Variants in EPRS1 observed in about 807,000 individuals in gnomAD.
The protein encoded by EPRS1 is bifunctional glutamate/proline--tRNA ligase.
EPRS1 carries 107 observed loss-of-function variants against 188.3 expected under a neutral mutation model. The ratio of observed to expected loss-of-function variants is 0.57; its 90% CI spans 0.49 to 0.67. EPRS1 has a LOEUF of 0.67. Among genes scored for constraint, EPRS1 ranks in the 30% least tolerant of loss-of-function variants. The probability of loss-of-function intolerance (pLI) is 0.00; values close to 1 mark genes in which losing one functional copy is unlikely to be tolerated. For missense variants in EPRS1, 1,577 were observed against 1,802.2 expected, an observed-to-expected ratio of 0.88 and a Z score of 2.26; for synonymous variants, 596 against 593.1, an observed-to-expected ratio of 1.00 and a Z score of -0.07.
At position 219,979,469 on chromosome 1, in the gene EPRS1, A is replaced by T. The variant is rs1558271273; in HGVS notation, c.3858T>A (p.Val1286=). ...ATACTAAACCCATGTTGTCCCCATG[A>T]ACCATGGTCATAACACCAATAGTTC... ...TTRTIGVMTM[V]HGDNMGLVLP... The change falls in exon 27 of 32, where the codon GTT becomes GTA. Residue 1286 remains valine (V), a synonymous_variant. Transcript: ENST00000366923. 3.1e-6 allele frequency: 5 copies of T among 1,614,102 alleles called. No individual in the cohort carries two copies. The highest frequency in any genetic ancestry group is 3.4e-6 in the Non-Finnish European group (4 of 1,179,988).
chr1:220,022,579 G>A, intron 8 of EPRS1, 61 bp from the exon 9 acceptor site: 1 of 1,296,568 alleles, frequency 7.7e-7, no homozygotes. Context: ...TATTCTCATA[G>A]TGCTATAATT....
chr1:220,014,136 T>G (rs1207130847), intron 12 of EPRS1, among the ~76,000 whole-genome samples: 1 of 152,142 alleles, frequency 6.6e-6, no homozygotes, highest in East Asian at 1.9e-4. Flanking sequence ...GGGACCAGCC[T>G]GGCCAACATG....
In EPRS1 at chr1:219,986,824, T is replaced by C. The variant is rs183865475; in HGVS notation, c.3038+318A>G. On this transcript the variant is annotated intron_variant, in intron 20 of 31. Coordinates refer to ENST00000366923, the MANE Select transcript of EPRS1 (RefSeq NM_004446.3). ...GTGTGTGTATCTGTATTTACTTGAA[T>C]AATAAATGAAAATCGCTCAACAGAT... Among the ~76,000 whole-genome samples, 224 of 151,756 alleles carry C rather than the reference T, an allele frequency of 1.5e-3. 1 individual carries two copies. The highest frequency in any genetic ancestry group is 3.1e-3 in the Admixed American group (47 of 15,228).
At chr1:219,978,991 G>C (rs1660839196) in intron 27 of EPRS1, among the ~76,000 whole-genome samples, 1 of 150,606 alleles carries the variant, frequency 6.6e-6, no homozygotes, top group African/African-American at 2.5e-5. Flanking sequence ...AGCCTCCCAA[G>C]TAGCTGGGAC....
chr1:219,969,169 T>C, intron 30 of EPRS1, 47 bp from the exon 31 acceptor site: 2 of 1,272,540 alleles, frequency 1.6e-6, no homozygotes, highest in South Asian at 1.2e-5. Flanking sequence ...CTCCTTCAAT[T>C]CTATTCTGCA....
At chr1:219,983,973 T>C (rs1443625094) in intron 21 of EPRS1, among the ~76,000 whole-genome samples, 1 of 151,986 alleles carries the variant, frequency 6.6e-6, no homozygotes, top group African/African-American at 2.4e-5. Context: ...TTAATCCCTT[T>C]ATCTCACCTA....
chr1:219,984,099 T>TA, intron 21 of EPRS1, 107 bp downstream of exon 21: 1 of 765,178 alleles, frequency 1.3e-6, no homozygotes, highest in Admixed American at 2.1e-5. Context: ...TTAAAGGCAT[T>TA]ATACAACATT....
At chr1:219,979,256 A>G (rs1660845017) in intron 27 of EPRS1, among the ~76,000 whole-genome samples, 162 bp downstream of exon 27, 3 of 152,246 alleles carry the variant, frequency 2.0e-5, no homozygotes, top group African/African-American at 7.2e-5. Context: ...TAAATAATAC[A>G]CACAGTCACA....
At chr1:219,970,347 G>A (rs1225892763) in intron 30 of EPRS1, among the ~76,000 whole-genome samples, 1 of 152,162 alleles carries the variant, frequency 6.6e-6, no homozygotes, top group Non-Finnish European at 1.5e-5. Context: ...AAGAGACATT[G>A]GCAGTAACAG....
chr1:219,976,683 A>C (rs1267569026), intron 28 of EPRS1, among the ~76,000 whole-genome samples: 2 of 152,158 alleles, frequency 1.3e-5, no homozygotes, highest in Non-Finnish European at 1.5e-5. Flanking sequence ...AAGAAATAGC[A>C]CAAGTAAAGA....
At chr1:219,979,995 G>C (rs1660862665) in intron 26 of EPRS1, 90 bp downstream of exon 26, 1 of 1,107,942 alleles carries the variant, frequency 9.0e-7, no homozygotes, top group South Asian at 1.6e-5. Flanking sequence ...TTTTTTAAGA[G>C]TCTACTTCTG....
intron 30 of EPRS1, among the ~76,000 whole-genome samples, chr1:219,969,474 C>T (rs1480865688): frequency 6.6e-6 from 1 of 152,066 alleles, no homozygotes; most frequent in Non-Finnish European, 1.5e-5. Context: ...ACCTGCTCTA[C>T]CTATCTAAAT....
At chr1:219,996,946 C>A in intron 18 of EPRS1, 37 bp downstream of exon 18, 1 of 1,529,074 alleles carries the variant, frequency 6.5e-7, no homozygotes, top group Non-Finnish European at 8.7e-7. Flanking sequence ...AATTCACACA[C>A]TGAAAATGTG....
intron 20 of EPRS1, among the ~76,000 whole-genome samples, chr1:219,985,842 T>C (rs1487126818): frequency 6.6e-6 from 1 of 152,244 alleles, no homozygotes; most frequent in Non-Finnish European, 1.5e-5. Context: ...AGAGATGGTC[T>C]CTTTTTGGAG....
intron 15 of EPRS1, 58 bp from the exon 16 acceptor site, chr1:220,005,418 T>G (rs899432574): frequency 4.4e-5 from 39 of 877,586 alleles, no homozygotes; most frequent in Admixed American, 9.6e-5. Flanking sequence ...GTAAAATAAC[T>G]CTAAAATGCA....
In EPRS1 at chr1:220,024,256, T is replaced by A; in HGVS notation, c.943+8A>T. 1 of 1,534,630 alleles carries A rather than the reference T, an allele frequency of 6.5e-7. No homozygotes were observed. Among genetic ancestry groups the A allele is most frequent in the East Asian group, 2.3e-5 (1 of 43,904 alleles). On this transcript the variant is annotated splice_region_variant and intron_variant, in intron 8 of 31. Transcript: ENST00000366923. ...ATATCAATTAAAATATAAAACAATG[T>A]GGCTTACGGTTTTTTCTATGTTTAG...
intron 30 of EPRS1, among the ~76,000 whole-genome samples, chr1:219,971,784 C>CTATATATATATATATATA (rs202229562): frequency 1.7e-5 from 1 of 58,468 alleles, no homozygotes; most frequent in African/African-American, 5.8e-5. Flanking sequence ...AAAACAAAGA[C>CTATATATATATATATATA]TATATATATA....
rs181390251 is a variant in EPRS1, at chr1:220,015,186, C to T, written c.1494+3263G>A. ...AGAAGAAAGAAAAAGAATTCAAAGC[C>T]GGGCACAGTGGCACACACCTGTAAT... On this transcript the variant is annotated intron_variant, in intron 12 of 31. Transcript: ENST00000366923. Among the ~76,000 whole-genome samples, 263 of 152,172 alleles carry T rather than the reference C, an allele frequency of 1.7e-3. 4 individuals are homozygous for T. The highest frequency in any genetic ancestry group is 2.2e-4 in the Non-Finnish European group (15 of 67,992).
chr1:220,020,079 T>C lies in EPRS1; in HGVS notation c.1258A>G (p.Ile420Val), dbSNP rs2102589185. The C allele has an allele frequency of 6.2e-7, 1 of 1,614,088 alleles. No individual in the cohort carries two copies. The highest frequency in any genetic ancestry group is 8.5e-7 in the Non-Finnish European group (1 of 1,179,962). ...AGATTTAGCCGACTATATTCCCAAATATATGGTTTTCTTATGCCTAAAGCT... is the reference window on the plus strand; with the variant it reads ...AGATTTAGCCGACTATATTCCCAAACATATGGTTTTCTTATGCCTAAAGCT... Reference protein sequence around the residue: ...IEALGIRKPYIWEYSRLNLNN... With the variant: ...IEALGIRKPYVWEYSRLNLNN... The change falls in exon 10 of 32, where the codon ATT (isoleucine) becomes GTT (valine). Residue 420 changes from isoleucine to valine, a missense_variant. Physicochemically the swap from Ile to Val is conservative, Grantham distance 29 (BLOSUM62 3). Transcript: ENST00000366923.
Sources: allele counts gnomAD v4.1 joint callset (sites outside exome capture counted in the v4.1 genomes callset), GRCh38; gene constraint gnomAD v4.1.1; transcripts MANE v1.5; gene names NCBI Gene and HGNC (gene_info 2026-07-23, HGNC 2026-07-21).